The following EGFLAM variants were observed in gnomAD, a reference collection of about 807,000 sequenced individuals.
EGFLAM encodes EGF like, fibronectin type III and laminin G domains.
A neutral mutation model predicts 113.1 loss-of-function variants in EGFLAM; 79 were observed. That is an observed-to-expected ratio of 0.70 (90% CI 0.58 to 0.84). EGFLAM has a LOEUF of 0.84. Among genes scored for constraint, EGFLAM ranks in the 40% least tolerant of loss-of-function variants. EGFLAM has a pLI of 0.00. For synonymous variants in EGFLAM, 504 were observed against 487.6 expected, an observed-to-expected ratio of 1.03 and a Z score of -0.44; for missense variants, 1,265 against 1,291.6, an observed-to-expected ratio of 0.98 and a Z score of 0.32.
intron 9 of EGFLAM, 79 bp from the exon 10 acceptor site, chr5:38,408,925 C>T: frequency 8.1e-7 from 1 of 1,238,288 alleles, no homozygotes; most frequent in Non-Finnish European, 1.2e-6. Context: ...TCAAGTTTCA[C>T]ATTTGTGTCT....
At position 38,411,635 on chromosome 5, in the gene EGFLAM, A is replaced by G. The variant is rs566103299; in HGVS notation, c.1350-869A>G. ...GTAGCTAGGATTACAAGCATCTGCC[A>G]TCGTGCTCAGTTAACTTTTGTATTT... On this transcript the variant is annotated intron_variant, in intron 10 of 21. Coordinates refer to ENST00000322350, the MANE Select transcript of EGFLAM (RefSeq NM_152403.4). Among the ~76,000 whole-genome samples the G allele has an allele frequency of 2.6e-4, 40 of 151,196 alleles. No homozygotes were observed. The East Asian group carries it at 8.0e-3, about 30-fold the overall frequency.
At chr5:38,303,467 G>C (rs1758643419) in intron 1 of EGFLAM, among the ~76,000 whole-genome samples, 1 of 152,156 alleles carries the variant, frequency 6.6e-6, no homozygotes, top group Non-Finnish European at 1.5e-5. Flanking sequence ...ATGCTGTGTA[G>C]GGGAGATGAG....
chr5:38,280,382 C>T (rs968415787), intron 1 of EGFLAM, among the ~76,000 whole-genome samples: 1 of 152,194 alleles, frequency 6.6e-6, no homozygotes, highest in Non-Finnish European at 1.5e-5. Context: ...GGGGCCTGAC[C>T]TCACTAGCTG....
chr5:38,461,929 G>A (rs1305958329), intron 20 of EGFLAM, among the ~76,000 whole-genome samples: 3 of 152,124 alleles, frequency 2.0e-5, no homozygotes, highest in Non-Finnish European at 4.4e-5. Context: ...ACTTTGGGAG[G>A]CCGAGGAGGG....
chr5:38,408,875 G>A lies in EGFLAM; in HGVS notation c.1249-129G>A. 5.1e-6 allele frequency: 4 copies of A among 786,524 alleles called. No homozygotes were observed. In the South Asian group the frequency reaches 6.1e-5, roughly 12 times the overall value. The allele number at this position is 786,524 out of a possible 1,614,324, so 48.7% of individuals were successfully genotyped here. The stretch of plus-strand genomic sequence containing the variant: ...TCTGGGAGTGAATTGGAGCCCACAT[G>A]CTTGACCCTTTGTAGATAGGATCGT... On this transcript the variant is annotated intron_variant, in intron 9 of 21. Transcript: ENST00000322350.
At chr5:38,340,682 T>G (rs942228965) in intron 3 of EGFLAM, among the ~76,000 whole-genome samples, 2 of 152,126 alleles carry the variant, frequency 1.3e-5, no homozygotes, top group Non-Finnish European at 2.9e-5. Flanking sequence ...AGGTGAAAGT[T>G]GGGACTGAGG....
At position 38,348,563 on chromosome 5, in the gene EGFLAM, A is replaced by G. The variant is rs185731058; in HGVS notation, c.292-1938A>G. ...CTGAGATGCACTCACTGGATTCATT[A>G]CAAAGTTGTTACGGTGCCTTGGTAA... On this transcript the variant is annotated intron_variant, in intron 3 of 21. Coordinates refer to ENST00000322350, the MANE Select transcript of EGFLAM (RefSeq NM_152403.4). 6.6e-5 allele frequency among the ~76,000 whole-genome samples: 10 copies of G among 152,300 alleles called. No homozygotes were observed. The East Asian group carries it at 1.7e-3, about 26-fold the overall frequency.
At chr5:38,394,165 T>C (rs1740890627) in intron 6 of EGFLAM, among the ~76,000 whole-genome samples, 1 of 151,796 alleles carries the variant, frequency 6.6e-6, no homozygotes, top group Non-Finnish European at 1.5e-5. Context: ...CCACTCGTGT[T>C]GCTCTGCCAG....
At chr5:38,290,693 A>G (rs888382617) in intron 1 of EGFLAM, 1 of 152,122 alleles carries the variant, frequency 6.6e-6, no homozygotes, top group Non-Finnish European at 1.5e-5. Context: ...CTGGCCTCCA[A>G]TTCAAATTCC....
intron 11 of EGFLAM, among the ~76,000 whole-genome samples, chr5:38,413,079 T>A (rs936245452): frequency 3.3e-5 from 5 of 151,890 alleles, no homozygotes; most frequent in African/African-American, 9.7e-5. Context: ...TGGAGTACAG[T>A]GGCATAATCA....
Position 38,396,130 on chromosome 5 carries a change from C to T in EGFLAM, c.713-9996C>T, listed in dbSNP as rs148735053. ...CCACCCCCAACTACTCATATGAAAA[C>T]ACCAATGATCCACATTTTTTCTGAA... On this transcript the variant is annotated intron_variant, in intron 6 of 21. Transcript: ENST00000322350. Among the ~76,000 whole-genome samples the T allele has an allele frequency of 2.0e-5, 3 of 151,786 alleles. No homozygotes were observed. The East Asian group carries it at 5.8e-4, about 29-fold the overall frequency.
chr5:38,386,723 T>C (rs564839077), intron 6 of EGFLAM, among the ~76,000 whole-genome samples: 2 of 152,278 alleles, frequency 1.3e-5, no homozygotes, highest in African/African-American at 2.4e-5. Context: ...GCCAGGATGG[T>C]CTGGATCTCT....
At chr5:38,424,326 AG>A (rs144050468) in intron 12 of EGFLAM, among the ~76,000 whole-genome samples, 1,623 of 152,296 alleles carry the variant, frequency 0.011, 29 homozygotes, top group African/African-American at 0.038. Context: ...TTCTTACCAC[AG>A]GCCACCTTTC....
intron 10 of EGFLAM, among the ~76,000 whole-genome samples, chr5:38,409,445 A>G (rs1199993594): frequency 1.3e-5 from 2 of 151,774 alleles, no homozygotes; most frequent in Non-Finnish European, 2.9e-5. Context: ...GTGCTGTTGA[A>G]TGTACCTGGC....
At chr5:38,423,145 C>T (rs143617666) in intron 12 of EGFLAM, among the ~76,000 whole-genome samples, 4 of 152,200 alleles carry the variant, frequency 2.6e-5, no homozygotes, top group African/African-American at 9.6e-5. Flanking sequence ...TTCCCTCCTG[C>T]ACCATTATTT....
chr5:38,264,000 A>G (rs943871251), intron 1 of EGFLAM, among the ~76,000 whole-genome samples: 1 of 152,118 alleles, frequency 6.6e-6, no homozygotes, highest in Non-Finnish European at 1.5e-5. Context: ...TAGGGTATAG[A>G]TCGTTTGTCT....
chr5:38,448,467 C>A, intron 18 of EGFLAM, 88 bp downstream of exon 18: 1 of 1,358,972 alleles, frequency 7.4e-7, no homozygotes, highest in African/African-American at 1.4e-5. Flanking sequence ...TATTTCATGC[C>A]AGAAGATAAT....
At chr5:38,415,597 C>T (rs1468382442) in intron 11 of EGFLAM, among the ~76,000 whole-genome samples, 1 of 152,048 alleles carries the variant, frequency 6.6e-6, no homozygotes, top group East Asian at 1.9e-4. Context: ...TCACTTGAGC[C>T]CAGGAGGTGA....
chr5:38,410,814 G>C (rs1370063384), intron 10 of EGFLAM, among the ~76,000 whole-genome samples: 1 of 152,154 alleles, frequency 6.6e-6, no homozygotes, highest in Admixed American at 6.5e-5. Flanking sequence ...GGCAGGGCTG[G>C]CCAGCTTGCC....
Sources: allele counts gnomAD v4.1 joint callset (sites outside exome capture counted in the v4.1 genomes callset), GRCh38; gene constraint gnomAD v4.1.1; transcripts MANE v1.5; gene names NCBI Gene and HGNC (gene_info 2026-07-23, HGNC 2026-07-21).